MEMO1: variants seen among roughly 807,000 people sequenced by gnomAD.
The protein encoded by MEMO1 is protein MEMO1.
A neutral mutation model predicts 45.2 loss-of-function variants in MEMO1; 6 were observed. The observed-to-expected ratio is 0.13, with a 90% CI of 0.07 to 0.26. MEMO1 has a LOEUF of 0.26. Ranked by LOEUF, MEMO1 falls within the 10% of genes least tolerant of loss-of-function variation. The pLI is 1.00. For missense variants in MEMO1, 184 were observed against 370.5 expected (o/e 0.50, Z 4.13); for synonymous variants, 78 against 124.3 (o/e 0.63, Z 2.48).
At chr2:31,944,514 C>T (rs910711299) in intron 2 of MEMO1, among the ~76,000 whole-genome samples, 1 of 152,176 alleles carries the variant, frequency 6.6e-6, no homozygotes, top group Non-Finnish European at 1.5e-5. Context: ...ATAACTACTT[C>T]ATCTTCCCAC....
chr2:31,927,792 A>C (rs79379878), intron 4 of MEMO1, among the ~76,000 whole-genome samples: 6,929 of 152,106 alleles, frequency 0.046, 239 homozygotes, highest in Non-Finnish European at 0.074. Flanking sequence ...TTTAATTTTG[A>C]ATGCATTCCA....
intron 2 of MEMO1, among the ~76,000 whole-genome samples, chr2:31,946,783 A>G (rs538903458): frequency 4.6e-5 from 7 of 152,278 alleles, no homozygotes; most frequent in African/African-American, 1.7e-4. Context: ...GAATCACTTG[A>G]GCCCGGGAGG....
intron 5 of MEMO1, among the ~76,000 whole-genome samples, chr2:31,919,006 G>C (rs887800718): frequency 6.6e-6 from 1 of 151,982 alleles, no homozygotes; most frequent in East Asian, 1.9e-4. Context: ...TTAATAAGAC[G>C]CATTAACAAA....
chr2:32,009,876 G>A (rs1193746496), intron 2 of MEMO1, among the ~76,000 whole-genome samples: 2 of 152,056 alleles, frequency 1.3e-5, no homozygotes, highest in East Asian at 3.9e-4. Context: ...CCGGGAGCAC[G>A]TTCCTTCCTC....
At chr2:31,879,840 A>G (rs1675092842) in intron 8 of MEMO1, among the ~76,000 whole-genome samples, 1 of 152,214 alleles carries the variant, frequency 6.6e-6, no homozygotes. Flanking sequence ...AGTTCTAAAC[A>G]TAACACAAAA....
chr2:31,872,220 G>A (rs1358612545), intron 8 of MEMO1, among the ~76,000 whole-genome samples: 1 of 151,954 alleles, frequency 6.6e-6, no homozygotes, highest in Admixed American at 6.6e-5. Flanking sequence ...CACAAAACAG[G>A]CAAAAGTCCT....
chr2:31,872,461 TA>T (rs1462647374), intron 8 of MEMO1, among the ~76,000 whole-genome samples: 7 of 152,284 alleles, frequency 4.6e-5, no homozygotes, highest in African/African-American at 1.7e-4. Flanking sequence ...ATTTTAATAT[TA>T]AAATCTCAAA....
At chr2:31,965,727 A>C (rs992846419) in intron 2 of MEMO1, among the ~76,000 whole-genome samples, 15 of 152,236 alleles carry the variant, frequency 9.9e-5, no homozygotes, top group African/African-American at 3.4e-4. Context: ...AGAACAGAAA[A>C]CCAAACACTG....
intron 6 of MEMO1, among the ~76,000 whole-genome samples, chr2:31,909,617 T>C (rs1680270374): frequency 6.6e-6 from 1 of 152,156 alleles, no homozygotes; most frequent in South Asian, 2.1e-4. Flanking sequence ...GAAGAGGACA[T>C]AAAAAACTGG....
chr2:31,979,459 G>A (rs1414675193), intron 2 of MEMO1, among the ~76,000 whole-genome samples: 2 of 151,850 alleles, frequency 1.3e-5, no homozygotes, highest in Non-Finnish European at 2.9e-5. Flanking sequence ...CTTTACATGA[G>A]GTTTCACACT....
intron 3 of MEMO1, among the ~76,000 whole-genome samples, chr2:31,935,612 A>C (rs943937113): frequency 6.6e-6 from 1 of 152,188 alleles, no homozygotes; most frequent in Admixed American, 6.5e-5. Context: ...ACTCTACTTC[A>C]TCAAAGGAGG....
intron 2 of MEMO1, among the ~76,000 whole-genome samples, chr2:31,958,224 T>C (rs900226867): frequency 1.3e-5 from 2 of 152,062 alleles, no homozygotes; most frequent in African/African-American, 4.8e-5. Flanking sequence ...GAGTTGTATG[T>C]GTGTATCCAC....
intron 8 of MEMO1, among the ~76,000 whole-genome samples, chr2:31,874,288 C>T (rs1015703555): frequency 1.3e-5 from 2 of 152,002 alleles, no homozygotes; most frequent in Non-Finnish European, 2.9e-5. Flanking sequence ...CTAGGTTCTG[C>T]TTTAGTCACA....
At chr2:31,889,496 C>CAG (rs1344529953) in intron 7 of MEMO1, among the ~76,000 whole-genome samples, 3 of 152,018 alleles carry the variant, frequency 2.0e-5, no homozygotes, top group Admixed American at 1.3e-4. Context: ...ATATGGCACA[C>CAG]TTACTAATTT....
At chr2:31,987,857 C>G (rs1671458728) in intron 2 of MEMO1, among the ~76,000 whole-genome samples, 1 of 152,146 alleles carries the variant, frequency 6.6e-6, no homozygotes. Flanking sequence ...AGCAGTAATT[C>G]TAATTCAGTA....
intron 2 of MEMO1, among the ~76,000 whole-genome samples, chr2:31,965,322 A>AG (rs1168444070): frequency 6.6e-6 from 1 of 151,236 alleles, no homozygotes; most frequent in Non-Finnish European, 1.5e-5. Context: ...GGACGGAGGG[A>AG]GGAAGAGAGG....
chr2:31,920,093 T>C (rs993228586), intron 5 of MEMO1, among the ~76,000 whole-genome samples: 13 of 152,036 alleles, frequency 8.6e-5, no homozygotes, highest in African/African-American at 2.7e-4. Context: ...TCTGAATAAA[T>C]TGTGGATGTT....
chr2:31,925,278 C>G (rs1013141576), intron 4 of MEMO1, among the ~76,000 whole-genome samples: 1 of 151,946 alleles, frequency 6.6e-6, no homozygotes, highest in Non-Finnish European at 1.5e-5. Context: ...GAGATCGAGA[C>G]CATCTGGCTA....
chr2:31,937,559 T>C (rs1362145863), intron 3 of MEMO1, among the ~76,000 whole-genome samples: 2 of 152,220 alleles, frequency 1.3e-5, no homozygotes, highest in Non-Finnish European at 2.9e-5. Flanking sequence ...ACTTGTCTTC[T>C]ATATACACGC....
Sources: gnomAD v4.1 joint callset for allele counts (sites outside exome capture counted in the v4.1 genomes callset) on GRCh38, gnomAD v4.1.1 for gene constraint, MANE v1.5 for transcripts, NCBI Gene and HGNC (gene_info 2026-07-23, HGNC 2026-07-21) for gene names.